NOVA1: variants seen among roughly 807,000 people sequenced by gnomAD.
NOVA1 encodes the protein NOVA alternative splicing regulator 1.
In NOVA1, 7 loss-of-function variants were observed where a neutral mutation model predicts 38.0. That is an observed-to-expected ratio of 0.18 (90% confidence interval 0.10 to 0.35). The LOEUF is 0.35. NOVA1 is among the 10% of genes least tolerant of loss of function. NOVA1 has a pLI of 1.00. For missense variants in NOVA1, 460 were observed against 616.0 expected (o/e 0.75, Z 2.68); for synonymous variants, 270 against 232.5 (o/e 1.16, Z -1.47).
chr14:26,532,271 A>T (rs1210069515), intron 2 of NOVA1, among the ~76,000 whole-genome samples: 2 of 152,252 alleles, frequency 1.3e-5, no homozygotes, highest in East Asian at 3.8e-4. Flanking sequence ...ATAGTCAAGA[A>T]CTAGAAACGA....
chr14:26,451,035 C>T (rs1472847951), intron 4 of NOVA1, among the ~76,000 whole-genome samples: 6 of 151,972 alleles, frequency 3.9e-5, no homozygotes, highest in Non-Finnish European at 8.8e-5. Flanking sequence ...TTGTTTTGTT[C>T]AGTGTAATGG....
chr14:26,450,642 G>A (rs1235983802), intron 4 of NOVA1, among the ~76,000 whole-genome samples: 1 of 152,078 alleles, frequency 6.6e-6, no homozygotes, highest in Non-Finnish European at 1.5e-5. Context: ...TATAACATTT[G>A]TTAGTTTTGC....
chr14:26,495,658 C>G (rs926606795), intron 2 of NOVA1, among the ~76,000 whole-genome samples: 7 of 142,266 alleles, frequency 4.9e-5, no homozygotes, highest in Non-Finnish European at 7.6e-5. Flanking sequence ...CCCCCCACCC[C>G]ACAACAGTCC....
intron 2 of NOVA1, among the ~76,000 whole-genome samples, chr14:26,560,943 A>C (rs1891781323): frequency 6.6e-6 from 1 of 152,098 alleles, no homozygotes; most frequent in South Asian, 2.1e-4. Flanking sequence ...GAAGAATATA[A>C]TTTCCAAATG....
intron 2 of NOVA1, among the ~76,000 whole-genome samples, chr14:26,527,368 G>A (rs1594469443): frequency 6.6e-6 from 1 of 152,020 alleles, no homozygotes; most frequent in African/African-American, 2.4e-5. Flanking sequence ...TACCCTTTGA[G>A]GATGAGCATC....
intron 2 of NOVA1, among the ~76,000 whole-genome samples, chr14:26,497,625 C>T (rs1411738682): frequency 6.6e-6 from 1 of 152,122 alleles, no homozygotes; most frequent in African/African-American, 2.4e-5. Flanking sequence ...CACCCAAGGA[C>T]TGAGGATCAG....
chr14:26,557,981 C>T (rs772249850), intron 2 of NOVA1, among the ~76,000 whole-genome samples: 9 of 149,174 alleles, frequency 6.0e-5, no homozygotes, highest in Admixed American at 1.3e-4. Flanking sequence ...GAACCTTAAA[C>T]GCATCTTGTT....
At chr14:26,463,738 T>C (rs907363687) in intron 4 of NOVA1, among the ~76,000 whole-genome samples, 1 of 152,216 alleles carries the variant, frequency 6.6e-6, no homozygotes, top group African/African-American at 2.4e-5. Flanking sequence ...CTTGATTTCG[T>C]ACACCATAAT....
rs148368992 is a variant in NOVA1 at position 26,476,962 on chromosome 14, G to A, written c.447+3015C>T. On this transcript the variant is annotated intron_variant, in intron 3 of 4. Transcript: ENST00000539517. The stretch of plus-strand genomic sequence containing the variant: ...ACTCCCGACCTCAGGTGCTCTGCTC[G>A]CCTCAGTCTCCCAAAGTGCTGGGAT... 1.0e-3 allele frequency among the ~76,000 whole-genome samples: 148 copies of A among 147,952 alleles called. 1 individual carries two copies. The highest frequency in any genetic ancestry group is 1.8e-3 in the Non-Finnish European group (121 of 67,878).
At chr14:26,482,974 G>T (rs1307243610) in intron 2 of NOVA1, among the ~76,000 whole-genome samples, 1 of 152,134 alleles carries the variant, frequency 6.6e-6, no homozygotes, top group Non-Finnish European at 1.5e-5. Flanking sequence ...AGGATTACAG[G>T]TGTGAGCCAC....
At chr14:26,557,400 T>C (rs560765223) in intron 2 of NOVA1, among the ~76,000 whole-genome samples, 4 of 152,240 alleles carry the variant, frequency 2.6e-5, no homozygotes, top group Admixed American at 1.3e-4. Flanking sequence ...TGACAGTCTC[T>C]CCTTGTTGCC....
intron 2 of NOVA1, among the ~76,000 whole-genome samples, chr14:26,484,314 T>C (rs1033404797): frequency 6.6e-6 from 1 of 150,738 alleles, no homozygotes; most frequent in African/African-American, 2.4e-5. Context: ...CGGGCACCTG[T>C]AGTCCCAGCT....
chr14:26,484,200 C>A (rs945249157), intron 2 of NOVA1, among the ~76,000 whole-genome samples: 2 of 151,488 alleles, frequency 1.3e-5, no homozygotes, highest in Non-Finnish European at 2.9e-5. Context: ...TTTGGGAGAC[C>A]GAGGCAGGCG....
At chr14:26,553,960 A>C (rs942554437) in intron 2 of NOVA1, among the ~76,000 whole-genome samples, 2 of 139,992 alleles carry the variant, frequency 1.4e-5, no homozygotes, top group Non-Finnish European at 3.1e-5. Context: ...AGCCTGGCCT[A>C]CATGGTGAAA....
chr14:26,571,538 A>T (rs1223924367), intron 2 of NOVA1, among the ~76,000 whole-genome samples: 1 of 152,178 alleles, frequency 6.6e-6, no homozygotes, highest in Non-Finnish European at 1.5e-5. Context: ...GGCCTACCTT[A>T]AAAAAGATGT....
intron 4 of NOVA1, among the ~76,000 whole-genome samples, chr14:26,459,195 A>G (rs993584188): frequency 2.0e-5 from 3 of 152,054 alleles, no homozygotes; most frequent in African/African-American, 4.8e-5. Context: ...ATATTATATT[A>G]TATTACATGT....
intron 2 of NOVA1, among the ~76,000 whole-genome samples, chr14:26,514,540 G>A (rs1451624876): frequency 4.6e-5 from 7 of 151,706 alleles, no homozygotes; most frequent in Admixed American, 3.3e-4. Context: ...TTTTAAGTAC[G>A]TAATGCTTAA....
intron 3 of NOVA1, among the ~76,000 whole-genome samples, chr14:26,472,659 C>G (rs1412422090): frequency 1.3e-5 from 2 of 151,676 alleles, no homozygotes; most frequent in Non-Finnish European, 2.9e-5. Context: ...TAAAAGTATC[C>G]TGACCATATT....
intron 2 of NOVA1, among the ~76,000 whole-genome samples, chr14:26,495,768 T>C (rs1225475256): frequency 1.4e-5 from 2 of 147,904 alleles, no homozygotes; most frequent in Non-Finnish European, 3.0e-5. Context: ...GTTCTTGTGA[T>C]AGTTTACTGA....
Sources: gnomAD v4.1 joint callset for allele counts (sites outside exome capture counted in the v4.1 genomes callset) on GRCh38, gnomAD v4.1.1 for gene constraint, MANE v1.5 for transcripts, NCBI Gene and HGNC (gene_info 2026-07-23, HGNC 2026-07-21) for gene names.